Variants in ZNF136 observed in about 807,000 individuals in gnomAD.
ZNF136 encodes zinc finger protein 136 (clone pHZ-20).
Under a neutral mutation model 11.4 loss-of-function variants are expected in ZNF136, and 8 were observed. The observed-to-expected ratio is 0.70, with a 90% CI of 0.41 to 1.27. The LOEUF (loss-of-function observed/expected upper bound fraction) is 1.27, where lower values mean the gene tolerates loss of function less well. ZNF136 is among the 50% of genes most tolerant of loss of function. The pLI, the probability that ZNF136 is intolerant of heterozygous loss-of-function variation, is 0.01. For synonymous variants in ZNF136, 190 were observed against 207.1 expected, an observed-to-expected ratio of 0.92 and a Z score of 0.71; for missense variants, 590 against 656.5, an observed-to-expected ratio of 0.90 and a Z score of 1.11.
In ZNF136 at chr19:12,188,920, GA is replaced by G. The variant is rs1915188722; in HGVS notation, c.*921del. 1 of 152,174 alleles carries G rather than the reference GA, an allele frequency of 6.6e-6. No individual in the cohort carries two copies. The highest frequency in any genetic ancestry group is 1.5e-5 in the Non-Finnish European group (1 of 68,032). 9.4% of individuals were successfully genotyped at this position (152,174 alleles called of 1,614,324 possible). A position where few individuals can be genotyped will look rare whatever the true frequency, so the allele number is the denominator to read the frequency against. On this transcript the variant is annotated 3_prime_UTR_variant, in exon 4 of 4. Coordinates refer to ENST00000343979, the MANE Select transcript of ZNF136 (RefSeq NM_003437.5). ...AAATACATAACCTGATGGAAATGTAGAAGCTATATGTATATTTTGTTAATTA... is the reference window on the plus strand; with the variant it reads ...AAATACATAACCTGATGGAAATGTAGAGCTATATGTATATTTTGTTAATTA...
Position 12,186,861 on chromosome 19 carries a change from TCA to T in ZNF136, c.487_488del (p.Thr163TrpfsTer6). On this transcript the variant is annotated frameshift_variant, in exon 4 of 4. Coordinates refer to ENST00000343979, the MANE Select transcript of ZNF136 (RefSeq NM_003437.5). LOFTEE classifies it low-confidence loss of function (END_TRUNC). ...HHSFRTHEII[H>X]TGEKLYDCKE... ...ACTCCTTTCGAACACATGAGATAAT[TCA>T]CACTGGAGAGAAACTCTATGATTGT... 1 of 1,614,140 alleles carries T rather than the reference TCA, an allele frequency of 6.2e-7. No individual in the cohort carries two copies. The highest frequency in any genetic ancestry group is 8.5e-7 in the Non-Finnish European group (1 of 1,180,020).
At chr19:12,178,086 G>A (rs1006196272) in intron 1 of ZNF136, among the ~76,000 whole-genome samples, 1 of 152,184 alleles carries the variant, frequency 6.6e-6, no homozygotes, top group African/African-American at 2.4e-5. Flanking sequence ...CAATGTGGGT[G>A]TCAGAGTGAG....
chr19:12,175,002 G>T (rs886310291), intron 1 of ZNF136, among the ~76,000 whole-genome samples: 1 of 151,376 alleles, frequency 6.6e-6, no homozygotes, highest in African/African-American at 2.4e-5. Flanking sequence ...GACTACAGGC[G>T]TGTGCCACCA....
At chr19:12,186,073 AT>A in intron 2 of ZNF136, 40 bp from the exon 3 acceptor site, 1 of 1,594,886 alleles carries the variant, frequency 6.3e-7, no homozygotes, top group East Asian at 2.2e-5. Flanking sequence ...TTTTTCTATA[AT>A]TTTGCACTAA....
At chr19:12,184,893 T>C (rs951330302) in intron 1 of ZNF136, 7 of 152,192 alleles carry the variant, frequency 4.6e-5, no homozygotes, top group Admixed American at 2.0e-4. Context: ...CCCAAATCCG[T>C]TTCCCAGATA....
At chr19:12,166,497 A>T (rs1198947116) in intron 1 of ZNF136, among the ~76,000 whole-genome samples, 1 of 152,212 alleles carries the variant, frequency 6.6e-6, no homozygotes, top group Non-Finnish European at 1.5e-5. Flanking sequence ...AATTACAAAG[A>T]TTCACCAAAA....
rs35653880 is a variant in ZNF136, at chr19:12,170,667, AT to A, written c.3+7476del. Among the ~76,000 whole-genome samples, 1,297 of 142,318 alleles carry A rather than the reference AT, an allele frequency of 9.1e-3. 19 individuals carry two copies. Among genetic ancestry groups the A allele is most frequent in the African/African-American group, 0.029 (1,130 of 38,812 alleles). 93.4% of individuals were successfully genotyped at this position (142,318 alleles called of 152,430 possible). On this transcript the variant is annotated intron_variant, in intron 1 of 3. Coordinates refer to ENST00000343979, the MANE Select transcript of ZNF136 (RefSeq NM_003437.5). ...CACTGTGCCCAGCCATGCTTCATAA[AT>A]TTTTTTTTTTTTTTCGAGACGGAGT...
intron 1 of ZNF136, among the ~76,000 whole-genome samples, chr19:12,167,823 C>T (rs1048669417): frequency 6.6e-6 from 1 of 152,140 alleles, no homozygotes; most frequent in Non-Finnish European, 1.5e-5. Context: ...TACAATTAAA[C>T]TAATTCTGTG....
At chr19:12,175,858 A>T (rs143130006) in intron 1 of ZNF136, among the ~76,000 whole-genome samples, 1 of 152,270 alleles carries the variant, frequency 6.6e-6, no homozygotes, top group Non-Finnish European at 1.5e-5. Flanking sequence ...TTCTATGATT[A>T]TGTCTTTTCT....
At position 12,187,209 on chromosome 19, in the gene ZNF136, A is replaced by G. The variant is rs1202892690; in HGVS notation, c.831A>G (p.Glu277=). 6.2e-7 allele frequency: 1 copy of G among 1,613,106 alleles called. No homozygotes were observed. The highest frequency in any genetic ancestry group is 8.5e-7 in the Non-Finnish European group (1 of 1,179,702). ...FQVHERIHTG[E]KPFKCKQCGK... ...TGCATGAAAGAATTCACACTGGAGA[A>G]AAACCCTTTAAATGTAAGCAATGTG... The change falls in exon 4 of 4, where the codon GAA becomes GAG. Residue 277 remains glutamate, a synonymous_variant. Transcript: ENST00000343979.
In ZNF136 at chr19:12,188,130, C is replaced by A; in HGVS notation, c.*129C>A. 3 of 694,090 alleles carry A rather than the reference C, an allele frequency of 4.3e-6. No individual in the cohort carries two copies. Among genetic ancestry groups the A allele is most frequent in the Non-Finnish European group, 4.3e-6 (2 of 464,062 alleles). The allele number at this position is 694,090 out of a possible 1,614,324, so 43.0% of individuals were successfully genotyped here. On this transcript the variant is annotated 3_prime_UTR_variant, in exon 4 of 4. Coordinates refer to ENST00000343979, the MANE Select transcript of ZNF136 (RefSeq NM_003437.5). ...TACATGAAAGAATTCTAGAGAGAAG[C>A]CATATACATGTAAGTAACATGGGAA...
rs547283306 is a variant in ZNF136 at position 12,169,608 on chromosome 19, A to G, written c.3+6402A>G. The stretch of plus-strand genomic sequence containing the variant: ...AGAGGTGACCACAGTACTGATTCTG[A>G]ATTTTTTTTTTTTTTTTTGAGACGG... On this transcript the variant is annotated intron_variant, in intron 1 of 3. Transcript: ENST00000343979. Among the ~76,000 whole-genome samples, 22 of 57,920 alleles carry G rather than the reference A, an allele frequency of 3.8e-4. 1 individual carries two copies. In the South Asian group the frequency reaches 0.02, roughly 54 times the overall value. 38.0% of individuals were successfully genotyped at this position (57,920 alleles called of 152,430 possible).
Position 12,187,276 on chromosome 19 carries a change from A to G in ZNF136, c.898A>G (p.Arg300Gly). The change falls in exon 4 of 4, where the codon AGA (arginine) becomes GGA (glycine). Residue 300 changes from arginine (R) to glycine (G), a missense_variant. Coordinates refer to ENST00000343979, the MANE Select transcript of ZNF136 (RefSeq NM_003437.5). ...SCSPTLRIHE[R>G]THTGEKPYEC... is the part of the protein sequence containing the mutation. ...TTCCCCAACCTTACGAATACATGAA[A>G]GAACCCATACTGGAGAGAAACCTTA... 3 of 1,614,140 alleles carry G rather than the reference A, an allele frequency of 1.9e-6. No homozygotes were observed. The highest frequency in any genetic ancestry group is 2.5e-6 in the Non-Finnish European group (3 of 1,180,008).
chr19:12,167,568 G>A (rs1036045889), intron 1 of ZNF136, among the ~76,000 whole-genome samples: 1 of 152,100 alleles, frequency 6.6e-6, no homozygotes, highest in African/African-American at 2.4e-5. Context: ...TCAAAAAAAA[G>A]AAAAGATAAG....
chr19:12,168,182 C>T (rs1006820655), intron 1 of ZNF136, among the ~76,000 whole-genome samples: 2 of 146,628 alleles, frequency 1.4e-5, no homozygotes, highest in African/African-American at 5.0e-5. Context: ...AAGCGATTCT[C>T]CTGCCTCAGC....
intron 1 of ZNF136, among the ~76,000 whole-genome samples, chr19:12,181,742 C>G (rs1012364455): frequency 1.3e-5 from 2 of 152,052 alleles, no homozygotes; most frequent in Non-Finnish European, 2.9e-5. Flanking sequence ...TCACACCATT[C>G]TCCTGCTTCA....
chr19:12,186,004 G>T, intron 2 of ZNF136, 93 bp downstream of exon 2: 1 of 1,598,046 alleles, frequency 6.3e-7, no homozygotes, highest in Non-Finnish European at 8.5e-7. Context: ...TGGAGGGAGA[G>T]TACTTGGGGG....
intron 1 of ZNF136, among the ~76,000 whole-genome samples, chr19:12,174,249 A>C (rs1213055165): frequency 6.6e-6 from 1 of 152,176 alleles, no homozygotes; most frequent in Non-Finnish European, 1.5e-5. Context: ...ACAGTTGGTC[A>C]CAGAAGCCTT....
At chr19:12,174,106 T>C (rs1376075696) in intron 1 of ZNF136, among the ~76,000 whole-genome samples, 2 of 152,152 alleles carry the variant, frequency 1.3e-5, no homozygotes, top group Non-Finnish European at 2.9e-5. Context: ...GGTTTCTCCA[T>C]GTTGGTCAGG....
Sources: gnomAD v4.1 joint callset for allele counts (sites outside exome capture counted in the v4.1 genomes callset) on GRCh38, gnomAD v4.1.1 for gene constraint, MANE v1.5 for transcripts, NCBI Gene and HGNC (gene_info 2026-07-23, HGNC 2026-07-21) for gene names.